The following TIAM2 variants were observed in gnomAD, a reference collection of about 807,000 sequenced individuals.
The protein encoded by TIAM2 is rho guanine nucleotide exchange factor TIAM2.
A neutral mutation model predicts 152.9 loss-of-function variants in TIAM2; 80 were observed. The observed-to-expected ratio is 0.52, with a 90% CI of 0.44 to 0.63. TIAM2 has a LOEUF of 0.63. TIAM2 is among the 30% of genes least tolerant of loss of function. The pLI, the probability that TIAM2 is intolerant of heterozygous loss-of-function variation, is 0.00. For missense variants in TIAM2, 1,965 were observed against 2,120.1 expected (o/e 0.93, Z 1.44); for synonymous variants, 804 against 838.0 (o/e 0.96, Z 0.70).
chr6:155,254,505 C>T lies in TIAM2; in HGVS notation c.4400C>T (p.Pro1467Leu), dbSNP rs1223359347. ...NFRRHIKCEL[P>L]LEKTCKDRLV... ...AGGCGTCACATAAAGTGTGAATTAC[C>T]ACTGGAGAAAACGTGTAAGGATCGC... The change falls in exon 26 of 27, where the codon CCA (proline) becomes CTA (leucine). Residue 1467 changes from proline to leucine, a missense_variant. Pro to Leu is a moderately conservative substitution (Grantham distance 98). Transcript: ENST00000682666. 4.3e-6 allele frequency: 7 copies of T among 1,613,998 alleles called. No individual in the cohort carries two copies. The highest frequency in any genetic ancestry group is 5.9e-6 in the Non-Finnish European group (7 of 1,179,998).
chr6:155,236,618 G>A (rs185784856), intron 15 of TIAM2, among the ~76,000 whole-genome samples: 46 of 152,268 alleles, frequency 3.0e-4, no homozygotes, highest in Admixed American at 9.1e-4. Flanking sequence ...AGCTGAGATC[G>A]TGCCACTGCA....
intron 15 of TIAM2, among the ~76,000 whole-genome samples, chr6:155,225,863 A>G (rs866390227): frequency 1.5e-4 from 23 of 152,220 alleles, no homozygotes; most frequent in Admixed American, 1.3e-3. Flanking sequence ...CTGTTGCATT[A>G]CTCAAATCCA....
At chr6:155,010,477 T>C (rs1333619087) in intron 1 of TIAM2, among the ~76,000 whole-genome samples, 1 of 152,094 alleles carries the variant, frequency 6.6e-6, no homozygotes, top group Non-Finnish European at 1.5e-5. Context: ...TTTTTTGAGA[T>C]GGAGTTTCGC....
intron 2 of TIAM2, among the ~76,000 whole-genome samples, chr6:155,124,821 TG>T (rs1190316454): frequency 6.6e-6 from 1 of 152,062 alleles, no homozygotes; most frequent in African/African-American, 2.4e-5. Flanking sequence ...GCTGAGCTAT[TG>T]GATTTCCTGC....
chr6:155,071,350 GGAA>G (rs1162846475), intron 1 of TIAM2, among the ~76,000 whole-genome samples: 1 of 152,182 alleles, frequency 6.6e-6, no homozygotes, highest in East Asian at 1.9e-4. Context: ...GGAAGAAAGC[GGAA>G]GCAGCATTTT....
rs772931529 is a variant in TIAM2 at position 155,244,705 on chromosome 6, G to A, written c.3465G>A (p.Lys1155=). ...GSLPEMLEFQ[K]VFLETLEDGI... ...TGCCAGAGATGCTTGAGTTTCAGAA[G>A]GTGTTTCTGGAGACCCTGGAGGATG... The change falls in exon 18 of 27, where the codon AAG becomes AAA. Residue 1155 remains lysine (K), a synonymous_variant. Coordinates refer to ENST00000682666, the MANE Select transcript of TIAM2 (RefSeq NM_012454.4). 5.6e-6 allele frequency: 9 copies of A among 1,613,904 alleles called. No individual in the cohort carries two copies. The highest frequency in any genetic ancestry group is 4.5e-5 in the East Asian group (2 of 44,884).
chr6:155,076,286 C>A (rs961692779), intron 1 of TIAM2, among the ~76,000 whole-genome samples: 1 of 152,044 alleles, frequency 6.6e-6, no homozygotes, highest in Admixed American at 6.6e-5. Flanking sequence ...CTGTGGCGTT[C>A]CAAAAATCAA....
chr6:155,145,813 G>T (rs1405317852), intron 6 of TIAM2, among the ~76,000 whole-genome samples: 1 of 152,162 alleles, frequency 6.6e-6, no homozygotes, highest in Non-Finnish European at 1.5e-5. Flanking sequence ...CACTTACCCA[G>T]TGCTGGGTTA....
chr6:155,207,685 T>C (rs1781627157), intron 14 of TIAM2, among the ~76,000 whole-genome samples: 1 of 152,146 alleles, frequency 6.6e-6, no homozygotes, highest in South Asian at 2.1e-4. Flanking sequence ...CTAGGGGGCC[T>C]AAGGGAGCCT....
At chr6:155,022,220 C>T (rs929466613) in intron 1 of TIAM2, 3 of 152,090 alleles carry the variant, frequency 2.0e-5, no homozygotes, top group Admixed American at 1.3e-4. Context: ...ACAGAGACGC[C>T]GAGCTCTGTA....
chr6:155,005,187 C>G, intron 1 of TIAM2: 1 of 227,768 alleles, frequency 4.4e-6, no homozygotes, highest in African/African-American at 2.3e-5. Context: ...CCTCATTTCC[C>G]CTTTCACCTC....
intron 1 of TIAM2, among the ~76,000 whole-genome samples, chr6:155,064,248 G>T (rs999703258): frequency 6.6e-6 from 1 of 152,182 alleles, no homozygotes; most frequent in Admixed American, 6.5e-5. Flanking sequence ...TAGGAATTTG[G>T]ATGTTGTTGG....
chr6:155,029,437 ATTATACTATAG>A lies in TIAM2; in HGVS notation c.-209+33947_-209+33957del, dbSNP rs1776752844. Among the ~76,000 whole-genome samples, 4 of 40,590 alleles carry A rather than the reference ATTATACTATAG, an allele frequency of 9.9e-5. No individual in the cohort carries two copies. In the East Asian group the frequency reaches 2.8e-3, roughly 28 times the overall value. The allele number at this position is 40,590 out of a possible 152,430, so 26.6% of individuals were successfully genotyped here. A position where few individuals can be genotyped will look rare whatever the true frequency, so the allele number is the denominator to read the frequency against. ...ATATACTATATATACTATAGTATAT[ATTATACTATAG>A]TATATATTATATATAATATATACTA... On this transcript the variant is annotated intron_variant, in intron 1 of 26. Transcript: ENST00000682666.
chr6:155,036,020 T>A (rs1000142525), intron 1 of TIAM2, among the ~76,000 whole-genome samples: 3 of 152,308 alleles, frequency 2.0e-5, no homozygotes, highest in Non-Finnish European at 4.4e-5. Context: ...CTGGACAGAT[T>A]AAGCAAAGAA....
rs747297698 is a variant in TIAM2, at chr6:155,130,160, C to T, written c.937C>T (p.Pro313Ser). The T allele has an allele frequency of 2.5e-6, 4 of 1,614,066 alleles. No homozygotes were observed. The South Asian group carries it at 3.3e-5, about 13-fold the overall frequency. The change falls in exon 4 of 27, where the codon CCC (proline) becomes TCC (serine). Residue 313 changes from proline (P) to serine (S), a missense_variant. Around this residue, in one of 3 missense-constraint regions of TIAM2, gnomAD observed 1,025 missense variants for 1,119.4 expected, o/e 0.92. Coordinates refer to ENST00000682666, the MANE Select transcript of TIAM2 (RefSeq NM_012454.4). ...AGATGCCAACCTGGGGAGCCTCTCC[C>T]CCTCAGGTATCCGCCTTTCTGATGA... ...YKDANLGSLS[P>S]SGIRLSDEYM...
At position 155,129,605 on chromosome 6, in the gene TIAM2, A is replaced by G. The variant is rs763490888; in HGVS notation, c.382A>G (p.Ile128Val). 1.9e-6 allele frequency: 3 copies of G among 1,614,004 alleles called. No homozygotes were observed. In the South Asian group the frequency reaches 3.3e-5, roughly 18 times the overall value. Residue 128 changes from isoleucine to valine, a missense_variant, in exon 4 of 27, where the codon ATC becomes GTC. Ile to Val is a conservative substitution (Grantham distance 29). Transcript: ENST00000682666. This position sits in a 1 kb window ranked among gnomAD's most constrained non-coding sequence, Gnocchi z 4.8. The part of the protein sequence containing the change: ...SVGHELADNH[I>V]TSRDCNGHLL... ...TGGCCACGAGCTGGCAGATAACCAC[A>G]TCACCTCCAGAGACTGCAACGGACA...
intron 1 of TIAM2, among the ~76,000 whole-genome samples, chr6:155,057,120 C>T (rs1777470828): frequency 1.3e-5 from 2 of 149,314 alleles, no homozygotes; most frequent in African/African-American, 4.9e-5. Flanking sequence ...CCTCTGCCCC[C>T]CAGGTTCAAG....
chr6:155,207,407 G>A (rs1031676452), intron 14 of TIAM2, among the ~76,000 whole-genome samples: 3 of 152,310 alleles, frequency 2.0e-5, no homozygotes, highest in African/African-American at 2.4e-5. Context: ...CCTGTGCTCC[G>A]TCATGTCCAG....
intron 1 of TIAM2, among the ~76,000 whole-genome samples, chr6:155,052,202 T>C (rs1285862866): frequency 6.6e-6 from 1 of 152,124 alleles, no homozygotes; most frequent in African/African-American, 2.4e-5. Flanking sequence ...TTAGTGCTGC[T>C]ATACATACTT....
Sources: gnomAD v4.1 joint callset for allele counts (sites outside exome capture counted in the v4.1 genomes callset) on GRCh38, gnomAD v4.1.1 for gene constraint, gnomAD v4.1.1 regional missense constraint, Gnocchi (gnomAD v3.1) non-coding constraint, MANE v1.5 for transcripts, NCBI Gene and HGNC (gene_info 2026-07-23, HGNC 2026-07-21) for gene names.